Variants in PADI6 observed in about 807,000 individuals in gnomAD.
The protein encoded by PADI6 is peptidyl arginine deiminase 6, also known as inactive protein-arginine deiminase type-6.
A neutral mutation model predicts 78.2 loss-of-function variants in PADI6; 66 were observed. The observed-to-expected ratio is 0.84, with a 90% CI of 0.69 to 1.04. The LOEUF (loss-of-function observed/expected upper bound fraction) is 1.04, where lower values mean the gene tolerates loss of function less well. Ranked by LOEUF, PADI6 falls within the 50% of genes least tolerant of loss-of-function variation. The pLI, the probability that PADI6 is intolerant of heterozygous loss-of-function variation, is 0.00. For synonymous variants in PADI6, 397 were observed against 346.9 expected (o/e 1.14, Z -1.60); for missense variants, 854 against 866.1 (o/e 0.99, Z 0.18).
chr1:17,401,617 A>G lies in PADI6; in HGVS notation c.*179A>G, dbSNP rs892943092. Reference sequence around the variant, plus strand: ...AGGATGGCAAATGCCGCCAGCTTGAACCCCTATGGGGAAAAGATGCAAAAG... The same window carrying G: ...AGGATGGCAAATGCCGCCAGCTTGAGCCCCTATGGGGAAAAGATGCAAAAG... On this transcript the variant is annotated 3_prime_UTR_variant, in exon 16 of 16. Transcript: ENST00000619609. 3 of 624,378 alleles carry G rather than the reference A, an allele frequency of 4.8e-6. No homozygotes were observed. The allele number at this position is 624,378 out of a possible 1,614,324, so 38.7% of individuals were successfully genotyped here.
At chr1:17,390,429 G>A (rs1001279934) in intron 8 of PADI6, among the ~76,000 whole-genome samples, 23 of 151,938 alleles carry the variant, frequency 1.5e-4, no homozygotes, top group East Asian at 1.9e-4. Context: ...GTAAAACCCC[G>A]TCTCTACTAA....
In PADI6 at chr1:17,401,238, A is replaced by T. The variant is rs2075298491; in HGVS notation, c.1885A>T (p.Ile629Phe). 8 of 1,614,000 alleles carry T rather than the reference A, an allele frequency of 5.0e-6. No homozygotes were observed. Among genetic ancestry groups the T allele is most frequent in the Non-Finnish European group, 6.8e-6 (8 of 1,179,878 alleles). Residue 629 changes from isoleucine (I) to phenylalanine (F), a missense_variant, in exon 16 of 16, where the codon ATC (isoleucine) becomes TTC (phenylalanine). By Grantham distance (21) the Ile-to-Phe change is conservative. Coordinates refer to ENST00000619609, the MANE Select transcript of PADI6 (RefSeq NM_207421.4). ...RMIVMGKNLG[I>F]PKPFGPQIKG... The stretch of plus-strand genomic sequence containing the variant: ...GATTGTGATGGGCAAGAACCTGGGG[A>T]TCCCCAAGCCTTTTGGGCCCCAAAT...
At chr1:17,375,649 A>G (rs1387952877) in intron 3 of PADI6, 150 bp downstream of exon 3, 2 of 662,614 alleles carry the variant, frequency 3.0e-6, no homozygotes, top group Non-Finnish European at 5.1e-6. Context: ...TCCTAAATGG[A>G]TTCATTTGAG....
intron 14 of PADI6, among the ~76,000 whole-genome samples, chr1:17,398,098 G>A (rs2075263840): frequency 1.3e-5 from 2 of 152,204 alleles, no homozygotes; most frequent in Admixed American, 6.5e-5. Flanking sequence ...GTAATTTCTT[G>A]GCTGAGGTTG....
rs1302243881 is a variant in PADI6 at position 17,376,302 on chromosome 1, GTGTT to G, written c.367+809_367+812del. ...CATCTCTCTTAAACCTGATTCTAGG[GTGTT>G]TGTTTTTGTTTGAGATGGAGTCTTG... On this transcript the variant is annotated intron_variant, in intron 3 of 15. Coordinates refer to ENST00000619609, the MANE Select transcript of PADI6 (RefSeq NM_207421.4). 1.2e-4 allele frequency among the ~76,000 whole-genome samples: 18 copies of G among 150,528 alleles called. 1 individual carries two copies. In the South Asian group the frequency reaches 2.5e-3, roughly 21 times the overall value.
chr1:17,373,347 C>T (rs1344191263), intron 2 of PADI6, 114 bp downstream of exon 2: 2 of 1,227,638 alleles, frequency 1.6e-6, no homozygotes, highest in African/African-American at 1.5e-5. Flanking sequence ...CGTTGTTTTG[C>T]ACGTCTGATC....
rs999564002 is a variant in PADI6 at position 17,381,064 on chromosome 1, T to C, written c.453T>C (p.Gly151=). 1.2e-5 allele frequency: 19 copies of C among 1,602,968 alleles called. No homozygotes were observed. The highest frequency in any genetic ancestry group is 1.5e-5 in the Non-Finnish European group (18 of 1,175,120). Residue 151 remains glycine, a synonymous_variant, in exon 5 of 16, where the codon GGT becomes GGC. Coordinates refer to ENST00000619609, the MANE Select transcript of PADI6 (RefSeq NM_207421.4). ...ATTTGCAGAAAAAATGGATCTGGGG[T>C]CCCAGCGGTTGGGGTGCCATCCTGC... is the stretch of plus-strand genomic sequence containing the variant. ...DKQAKKKWIW[G]PSGWGAILLV...
At position 17,372,318 on chromosome 1, in the gene PADI6, G is replaced by A. The variant is rs2100280510; in HGVS notation, c.73G>A (p.Ala25Thr). Residue 25 changes from alanine (A) to threonine (T), a missense_variant, in exon 1 of 16, where the codon GCC becomes ACC. By Grantham distance (58) the Ala-to-Thr change is moderately conservative. Transcript: ENST00000619609. Reference protein sequence around the residue: ...IHLSLDSPVHAVCVLGTEICL... With the variant: ...IHLSLDSPVHTVCVLGTEICL... ...CCTGTCCCTGGACAGCCCTGTCCATGCCGTTTGTGTGTTGGGCACAGAAAT... is the reference window on the plus strand; with the variant it reads ...CCTGTCCCTGGACAGCCCTGTCCATACCGTTTGTGTGTTGGGCACAGAAAT... 2 of 1,613,988 alleles carry A rather than the reference G, an allele frequency of 1.2e-6. No individual in the cohort carries two copies. Among genetic ancestry groups the A allele is most frequent in the Non-Finnish European group, 1.7e-6 (2 of 1,179,888 alleles).
chr1:17,379,802 C>T (rs1204900), intron 3 of PADI6, 118 bp from the exon 4 acceptor site: 26,601 of 776,980 alleles, frequency 0.034, 562 homozygotes, highest in Non-Finnish European at 0.04. Context: ...TGATAGCATG[C>T]CAGAAAGGCT....
Position 17,394,033 on chromosome 1 carries a change from A to G in PADI6, c.1133A>G (p.Asp378Gly). The stretch of plus-strand genomic sequence containing the variant: ...CACAAGACAACGTCCTTGATCCTCG[A>G]CACACCTCAGGCCGCCGATCTCGAT... ...APHKTTSLIL[D>G]TPQAADLDEF... Residue 378 changes from aspartate (D) to glycine (G), a missense_variant, in exon 10 of 16, where the codon GAC becomes GGC. Transcript: ENST00000619609. 1 of 1,613,884 alleles carries G rather than the reference A, an allele frequency of 6.2e-7. No individual in the cohort carries two copies. The highest frequency in any genetic ancestry group is 2.2e-5 in the East Asian group (1 of 44,872).
rs779925985 is a variant in PADI6, at chr1:17,394,334, A to AG, written c.1219dup (p.Asp407GlyfsTer3). Reference sequence around the variant, plus strand: ...ATTGGCTACATGATCCAGGACACTGAGGACCATAAAGTGGCCAGCATGGAT... The same window carrying AG: ...ATTGGCTACATGATCCAGGACACTGAGGGACCATAAAGTGGCCAGCATGGAT... On this transcript the variant is annotated frameshift_variant, in exon 11 of 16. Coordinates refer to ENST00000619609, the MANE Select transcript of PADI6 (RefSeq NM_207421.4). LOFTEE classifies it high-confidence loss of function. The AG allele has an allele frequency of 1.2e-6, 2 of 1,613,872 alleles. No homozygotes were observed. The highest frequency in any genetic ancestry group is 1.7e-6 in the Non-Finnish European group (2 of 1,179,868).
chr1:17,397,070 G>A lies in PADI6; in HGVS notation c.1619-1G>A, dbSNP rs778387499. The A allele has an allele frequency of 1.2e-6, 2 of 1,613,666 alleles. No homozygotes were observed. Among genetic ancestry groups the A allele is most frequent in the Admixed American group, 1.7e-5 (1 of 60,018 alleles). On this transcript the variant is annotated splice_acceptor_variant, in intron 13 of 15. Transcript: ENST00000619609. LOFTEE classifies it high-confidence loss of function. The stretch of plus-strand genomic sequence containing the variant: ...GGCCTGCTGCCCGCTTCTTCCTACA[G>A]GAAGGGAAGCCAAAACCATCGACCA...
At chr1:17,400,183 C>T (rs2075286980) in intron 15 of PADI6, among the ~76,000 whole-genome samples, 1 of 147,448 alleles carries the variant, frequency 6.8e-6, no homozygotes. Context: ...GGTAACAAAC[C>T]AAGACCTTGT....
At chr1:17,384,255 A>G (rs1390404387) in intron 6 of PADI6, among the ~76,000 whole-genome samples, 2 of 152,160 alleles carry the variant, frequency 1.3e-5, no homozygotes, top group Admixed American at 1.3e-4. Context: ...GATACAGCAA[A>G]AGAGTCTGAA....
At position 17,398,658 on chromosome 1, in the gene PADI6, CCCCCCCCACCCACCCA is replaced by C. The variant is rs2075270743; in HGVS notation, c.1690-24_1690-9del. 4.4e-5 allele frequency: 5 copies of C among 113,024 alleles called. No homozygotes were observed. Among genetic ancestry groups the C allele is most frequent in the South Asian group, 4.2e-4 (4 of 9,476 alleles). 7.0% of individuals were successfully genotyped at this position (113,024 alleles called of 1,614,324 possible). ...ATGAGCTCTCCTTGCTCCCCCGCCC[CCCCCCCCACCCACCCA>C]CCCACCCACAGAAGTGCATTCACCT... On this transcript the variant is annotated splice_polypyrimidine_tract_variant and intron_variant, in intron 14 of 15. Transcript: ENST00000619609.
intron 3 of PADI6, among the ~76,000 whole-genome samples, chr1:17,377,758 C>T (rs772831823): frequency 1.3e-5 from 2 of 152,214 alleles, no homozygotes; most frequent in Non-Finnish European, 2.9e-5. Context: ...AGCCCCCATC[C>T]TCTCACCTGG....
chr1:17,399,928 CAG>C (rs1192832275), intron 15 of PADI6, among the ~76,000 whole-genome samples: 4 of 151,690 alleles, frequency 2.6e-5, no homozygotes, highest in Non-Finnish European at 5.9e-5. Context: ...CCCAGCTAAT[CAG>C]AGGCTGAAGC....
At position 17,381,078 on chromosome 1, in the gene PADI6, G is replaced by GT. The variant is rs1388170437; in HGVS notation, c.468dup (p.Ala157CysfsTer11). 5 of 1,607,426 alleles carry GT rather than the reference G, an allele frequency of 3.1e-6. No homozygotes were observed. The highest frequency in any genetic ancestry group is 3.4e-6 in the Non-Finnish European group (4 of 1,177,232). On this transcript the variant is annotated frameshift_variant, in exon 5 of 16. Transcript: ENST00000619609. LOFTEE classifies it high-confidence loss of function. Reference sequence around the variant, plus strand: ...TGGATCTGGGGTCCCAGCGGTTGGGGTGCCATCCTGCTTGTGAATTGCAAC... The same window carrying GT: ...TGGATCTGGGGTCCCAGCGGTTGGGGTTGCCATCCTGCTTGTGAATTGCAAC...
intron 14 of PADI6, among the ~76,000 whole-genome samples, 171 bp from the exon 15 acceptor site, chr1:17,398,515 T>C (rs1555663): frequency 0.59 from 89,933 of 151,954 alleles, 26,693 homozygotes; most frequent in South Asian, 0.66. Context: ...GGGAACTGCC[T>C]ATTTCGTAAG....
Sources: allele counts gnomAD v4.1 joint callset (sites outside exome capture counted in the v4.1 genomes callset), GRCh38; gene constraint gnomAD v4.1.1; transcripts MANE v1.5; gene names NCBI Gene and HGNC (gene_info 2026-07-23, HGNC 2026-07-21).